PTPRG: variants seen among roughly 807,000 people sequenced by gnomAD.
PTPRG encodes receptor-type tyrosine-protein phosphatase gamma.
A neutral mutation model predicts 165.3 loss-of-function variants in PTPRG; 102 were observed. That is an observed-to-expected ratio of 0.62 (90% CI 0.53 to 0.73). PTPRG has a LOEUF of 0.73. Among genes scored for constraint, PTPRG ranks in the 30% least tolerant of loss-of-function variants. PTPRG has a pLI of 0.00. For missense variants in PTPRG, 1,866 were observed against 1,861.4 expected (o/e 1.00, Z -0.05); for synonymous variants, 675 against 669.5 (o/e 1.01, Z -0.13).
At chr3:61,748,766 C>T (rs1204524312) in intron 1 of PTPRG, 112 bp from the exon 2 acceptor site, 18 of 741,732 alleles carry the variant, frequency 2.4e-5, no homozygotes, top group Non-Finnish European at 3.3e-5. Context: ...TCTAGTCAGT[C>T]ATCCTCAAGG....
At chr3:61,845,746 A>G (rs1347362646) in intron 2 of PTPRG, among the ~76,000 whole-genome samples, 1 of 152,188 alleles carries the variant, frequency 6.6e-6, no homozygotes, top group African/African-American at 2.4e-5. Flanking sequence ...TGTATTTTCC[A>G]TTATTTTTGG....
chr3:61,690,430 G>A (rs954779557), intron 1 of PTPRG, among the ~76,000 whole-genome samples: 3 of 152,166 alleles, frequency 2.0e-5, no homozygotes, highest in Non-Finnish European at 4.4e-5. Context: ...AAATACAACG[G>A]CTGTCTCAGG....
intron 2 of PTPRG, among the ~76,000 whole-genome samples, chr3:61,778,219 T>A (rs754907022): frequency 6.6e-6 from 1 of 152,158 alleles, no homozygotes; most frequent in Non-Finnish European, 1.5e-5. Context: ...AATGAAAGTA[T>A]ACTTTACAGG....
rs71100985 is a variant in PTPRG, at chr3:61,870,522, A to AT, written c.191-119087dup. On this transcript the variant is annotated intron_variant, in intron 2 of 29. Coordinates refer to ENST00000474889, the MANE Select transcript of PTPRG (RefSeq NM_002841.4). ...TTTTTTGTATTTTTAGTAGAGATGGATTTTTTTTTTTTTTTTGTATTTTTA... is the reference window on the plus strand; with the variant it reads ...TTTTTTGTATTTTTAGTAGAGATGGATTTTTTTTTTTTTTTTTGTATTTTTA... Among the ~76,000 whole-genome samples the AT allele has an allele frequency of 9.5e-3, 364 of 38,376 alleles. 4 individuals carry two copies. Among genetic ancestry groups the AT allele is most frequent in the Middle Eastern group, 0.036 (1 of 28 alleles). The allele number at this position is 38,376 out of a possible 152,430, so 25.2% of individuals were successfully genotyped here.
chr3:61,715,113 G>A (rs1489713574), intron 1 of PTPRG, among the ~76,000 whole-genome samples: 2 of 152,154 alleles, frequency 1.3e-5, no homozygotes, highest in Non-Finnish European at 2.9e-5. Flanking sequence ...ACTTAAAGCC[G>A]GGATGGTCTG....
At chr3:61,692,087 T>C (rs1394438692) in intron 1 of PTPRG, among the ~76,000 whole-genome samples, 1 of 152,270 alleles carries the variant, frequency 6.6e-6, no homozygotes, top group East Asian at 1.9e-4. Context: ...ATATGATACA[T>C]AATGAATTTT....
intron 6 of PTPRG, among the ~76,000 whole-genome samples, chr3:62,139,537 G>T (rs1254473238): frequency 6.6e-6 from 1 of 152,178 alleles, no homozygotes; most frequent in Non-Finnish European, 1.5e-5. Flanking sequence ...GAGCTAGACG[G>T]CTGCTCTCTC....
At chr3:62,018,213 C>T (rs1397953228) in intron 4 of PTPRG, among the ~76,000 whole-genome samples, 1 of 152,180 alleles carries the variant, frequency 6.6e-6, no homozygotes, top group African/African-American at 2.4e-5. Flanking sequence ...AAATGTACAT[C>T]AGAATTAAGT....
chr3:61,644,622 T>C (rs890480540), intron 1 of PTPRG, among the ~76,000 whole-genome samples: 2 of 152,160 alleles, frequency 1.3e-5, no homozygotes, highest in African/African-American at 4.8e-5. Context: ...CTATCCGAAA[T>C]AGGACTAGTT....
chr3:61,625,958 A>G (rs541645480), intron 1 of PTPRG, among the ~76,000 whole-genome samples: 25 of 151,996 alleles, frequency 1.6e-4, no homozygotes, highest in Admixed American at 7.9e-4. Flanking sequence ...TGAGCAAAGC[A>G]GAGTCATTTA....
intron 2 of PTPRG, among the ~76,000 whole-genome samples, chr3:61,753,231 A>C (rs1183204493): frequency 2.6e-5 from 4 of 152,220 alleles, no homozygotes; most frequent in Admixed American, 6.5e-5. Context: ...ACATAATAAT[A>C]GCAATGTAAT....
At chr3:62,022,076 C>T (rs2041708321) in intron 4 of PTPRG, among the ~76,000 whole-genome samples, 1 of 152,120 alleles carries the variant, frequency 6.6e-6, no homozygotes, top group East Asian at 1.9e-4. Flanking sequence ...TTACTGGTCT[C>T]ATGAATTTCT....
At chr3:62,156,557 A>C (rs1179608574) in intron 6 of PTPRG, among the ~76,000 whole-genome samples, 2 of 152,208 alleles carry the variant, frequency 1.3e-5, no homozygotes, top group Non-Finnish European at 2.9e-5. Context: ...AAATGTAGCC[A>C]GCTTTGGAAT....
intron 4 of PTPRG, among the ~76,000 whole-genome samples, chr3:62,024,154 A>G (rs941112353): frequency 3.3e-5 from 5 of 152,174 alleles, no homozygotes; most frequent in South Asian, 2.1e-4. Flanking sequence ...ATGTTTTGAT[A>G]TATGTGTACA....
At chr3:61,674,257 G>A (rs1030218394) in intron 1 of PTPRG, among the ~76,000 whole-genome samples, 1 of 151,834 alleles carries the variant, frequency 6.6e-6, no homozygotes, top group Non-Finnish European at 1.5e-5. Context: ...TGTTAATGTT[G>A]CCTTGAGTAG....
chr3:61,974,185 G>T (rs1462818146), intron 2 of PTPRG, among the ~76,000 whole-genome samples: 1 of 152,054 alleles, frequency 6.6e-6, no homozygotes, highest in African/African-American at 2.4e-5. Context: ...AGGGCAGACT[G>T]TCTTAGTACA....
At chr3:61,812,573 C>T (rs1197914915) in intron 2 of PTPRG, among the ~76,000 whole-genome samples, 2 of 152,170 alleles carry the variant, frequency 1.3e-5, no homozygotes, top group African/African-American at 2.4e-5. Context: ...AAATGGATGC[C>T]TTTGCTCACC....
chr3:62,142,393 C>T (rs933163145), intron 6 of PTPRG, among the ~76,000 whole-genome samples: 13 of 152,060 alleles, frequency 8.5e-5, no homozygotes, highest in Admixed American at 7.9e-4. Context: ...GCAAGGTCTT[C>T]TCGTGTTCTG....
At chr3:62,117,328 A>G (rs920467162) in intron 5 of PTPRG, among the ~76,000 whole-genome samples, 1 of 152,248 alleles carries the variant, frequency 6.6e-6, no homozygotes, top group East Asian at 1.9e-4. Flanking sequence ...CAACAGAATC[A>G]TTGCACTGTG....
Sources: gnomAD v4.1 joint callset for allele counts (sites outside exome capture counted in the v4.1 genomes callset) on GRCh38, gnomAD v4.1.1 for gene constraint, MANE v1.5 for transcripts, NCBI Gene and HGNC (gene_info 2026-07-23, HGNC 2026-07-21) for gene names.